The following PDCD6 variants were observed in gnomAD, a reference collection of about 807,000 sequenced individuals.
The protein encoded by PDCD6 is programmed cell death 6, also known as programmed cell death protein 6.
PDCD6 carries 12 observed loss-of-function variants against 28.3 expected under a neutral mutation model. The ratio of observed to expected loss-of-function variants is 0.42; its 90% confidence interval spans 0.27 to 0.69. The LOEUF (loss-of-function observed/expected upper bound fraction) is 0.69. PDCD6 is among the 30% of genes least tolerant of loss of function. PDCD6 has a pLI of 0.22. For missense variants in PDCD6, 226 were observed against 269.9 expected (o/e 0.84, Z 1.14); for synonymous variants, 92 against 108.0 (o/e 0.85, Z 0.92).
intron 2 of PDCD6, 83 bp downstream of exon 2, chr5:272,855 GT>G (rs1187249957): frequency 6.5e-7 from 1 of 1,530,528 alleles, no homozygotes; most frequent in Non-Finnish European, 8.8e-7. Flanking sequence ...TTCTGAAGTT[GT>G]TTTTCCAAGG....
chr5:277,147 A>T (rs933125709), intron 2 of PDCD6, among the ~76,000 whole-genome samples: 2 of 152,114 alleles, frequency 1.3e-5, no homozygotes, highest in Non-Finnish European at 2.9e-5. Context: ...TGTTTTTGAG[A>T]CAGAGGCTTG....
intron 4 of PDCD6, 102 bp downstream of exon 4, chr5:306,862 G>C (rs759135240): frequency 1.6e-6 from 2 of 1,230,230 alleles, no homozygotes; most frequent in East Asian, 4.7e-5. Flanking sequence ...GTCTAACCAG[G>C]CTACGTAAAG....
In PDCD6 at chr5:311,378, C is replaced by T; in HGVS notation, c.453C>T (p.Phe151=). ...GGGGGCAGATTGCCTTCGACGACTTCATCCAGGGCTGCATCGTCCTGCAGG... is the reference window on the plus strand; with the variant it reads ...GGGGGCAGATTGCCTTCGACGACTTTATCCAGGGCTGCATCGTCCTGCAGG... ...QGRGQIAFDD[F]IQGCIVLQRL... is the part of the protein sequence containing the mutation. Residue 151 remains phenylalanine (F), a synonymous_variant, in exon 5 of 6, where the codon TTC becomes TTT. Coordinates refer to ENST00000264933, the MANE Select transcript of PDCD6 (RefSeq NM_013232.4). The T allele has an allele frequency of 6.2e-7, 1 of 1,613,602 alleles. No individual in the cohort carries two copies. The highest frequency in any genetic ancestry group is 8.5e-7 in the Non-Finnish European group (1 of 1,179,526).
At chr5:294,235 A>G (rs1285079029) in intron 2 of PDCD6, among the ~76,000 whole-genome samples, 1 of 149,250 alleles carries the variant, frequency 6.7e-6, no homozygotes, top group Admixed American at 6.6e-5. Flanking sequence ...CTATAAAGCA[A>G]TATAAAAATC....
At chr5:310,496 T>A (rs2126779965) in intron 4 of PDCD6, 1 of 152,460 alleles carries the variant, frequency 6.6e-6, no homozygotes, top group Non-Finnish European at 1.5e-5. Context: ...TCAGTAAGGA[T>A]ATGCCACAGT....
rs1737821009 is a variant in PDCD6 at position 271,822 on chromosome 5, G to C, written c.101+1G>C. 7.0e-7 allele frequency: 1 copy of C among 1,424,200 alleles called. No individual in the cohort carries two copies. The highest frequency in any genetic ancestry group is 9.2e-7 in the Non-Finnish European group (1 of 1,090,132). The allele number at this position is 1,424,200 out of a possible 1,614,324, so 88.2% of individuals were successfully genotyped here. A position where few individuals can be genotyped will look rare whatever the true frequency, so the allele number is the denominator to read the frequency against. On this transcript the variant is annotated splice_donor_variant, in intron 1 of 5. Coordinates refer to ENST00000264933, the MANE Select transcript of PDCD6 (RefSeq NM_013232.4). LOFTEE classifies it high-confidence loss of function. ...GCTTCCTGTGGAACGTTTTCCAGAG[G>C]TGCGGCCTGGCACCGCCCGGGCACC...
chr5:283,261 G>A (rs1432137956), intron 2 of PDCD6, among the ~76,000 whole-genome samples: 50 of 151,704 alleles, frequency 3.3e-4, no homozygotes, highest in African/African-American at 1.2e-3. Flanking sequence ...TGCAGCTGAA[G>A]ACTTGGTGAG....
chr5:275,408 G>A (rs1738125261), intron 2 of PDCD6, among the ~76,000 whole-genome samples: 1 of 152,240 alleles, frequency 6.6e-6, no homozygotes, highest in South Asian at 2.1e-4. Flanking sequence ...TTCTCCTGGA[G>A]CTGCGCGTGT....
rs995293063 is a variant in PDCD6 at position 307,103 on chromosome 5, T to C, written c.367+343T>C. Reference sequence around the variant, plus strand: ...GTGGGGCAGGGCAGCTTATATTTCATGATAGATCAAAGCACGTTGAAAAGG... The same window carrying C: ...GTGGGGCAGGGCAGCTTATATTTCACGATAGATCAAAGCACGTTGAAAAGG... On this transcript the variant is annotated intron_variant, in intron 4 of 5. Coordinates refer to ENST00000264933, the MANE Select transcript of PDCD6 (RefSeq NM_013232.4). This position sits in a 1 kb window ranked among gnomAD's most constrained non-coding sequence, Gnocchi z 6.1. Among the ~76,000 whole-genome samples the C allele has an allele frequency of 2.6e-5, 4 of 152,196 alleles. No individual in the cohort carries two copies. The highest frequency in any genetic ancestry group is 7.2e-5 in the African/African-American group (3 of 41,454).
At chr5:297,193 C>T (rs967675774) in intron 2 of PDCD6, among the ~76,000 whole-genome samples, 1 of 152,214 alleles carries the variant, frequency 6.6e-6, no homozygotes, top group Non-Finnish European at 1.5e-5. Context: ...CACCAGGATT[C>T]GTACATGCCA....
chr5:279,797 AAAAAAAAAAC>A (rs1738448367), intron 2 of PDCD6, among the ~76,000 whole-genome samples: 2 of 148,726 alleles, frequency 1.3e-5, no homozygotes, highest in African/African-American at 5.2e-5. Context: ...AAAAAAAAAA[AAAAAAAAAAC>A]GAGGAGCCGG....
At chr5:273,692 T>TG (rs56171019) in intron 2 of PDCD6, among the ~76,000 whole-genome samples, 23 of 151,700 alleles carry the variant, frequency 1.5e-4, no homozygotes, top group Non-Finnish European at 2.6e-4. Flanking sequence ...GCGCTGTGGG[T>TG]GGGGGGGTGC....
intron 4 of PDCD6, 149 bp from the exon 5 acceptor site, chr5:311,144 A>C: frequency 1.5e-6 from 1 of 676,398 alleles, no homozygotes; most frequent in East Asian, 2.8e-5. Flanking sequence ...CTCAGTTCTG[A>C]GTGCCTTTGA....
At chr5:274,341 A>C (rs3961021) in intron 2 of PDCD6, among the ~76,000 whole-genome samples, 80 of 152,328 alleles carry the variant, frequency 5.3e-4, no homozygotes, top group Middle Eastern at 3.4e-3. Flanking sequence ...ACTTGCTCAA[A>C]TAGGAGTGGT....
At chr5:302,406 CCTCAGGTTCAGG>C (rs1740144017) in intron 2 of PDCD6, among the ~76,000 whole-genome samples, 3 of 101,884 alleles carry the variant, frequency 2.9e-5, no homozygotes, top group African/African-American at 2.0e-4. Flanking sequence ...TGTGTGTATG[CCTCAGGTTCAGG>C]TGCACCTGCC....
At chr5:299,821 T>C (rs1348632855) in intron 2 of PDCD6, among the ~76,000 whole-genome samples, 2 of 152,178 alleles carry the variant, frequency 1.3e-5, no homozygotes, top group Middle Eastern at 3.2e-3. Context: ...AGTGCTGGGA[T>C]TACAGGCGCC....
intron 5 of PDCD6, among the ~76,000 whole-genome samples, chr5:313,547 G>A (rs2126787805): frequency 6.6e-6 from 1 of 152,246 alleles, no homozygotes; most frequent in East Asian, 1.9e-4. Flanking sequence ...CTGCAGCCTT[G>A]ACCCTGAGGC....
At chr5:300,937 C>G (rs1472195056) in intron 2 of PDCD6, among the ~76,000 whole-genome samples, 2 of 152,224 alleles carry the variant, frequency 1.3e-5, no homozygotes, top group Non-Finnish European at 2.9e-5. Context: ...TGCACCATCA[C>G]GGCACACTCC....
At chr5:302,001 C>A (rs1561046482) in intron 2 of PDCD6, among the ~76,000 whole-genome samples, 1 of 141,120 alleles carries the variant, frequency 7.1e-6, no homozygotes, top group Non-Finnish European at 1.5e-5. Context: ...GGTTCAGGTG[C>A]ACCTGCCTTT....
Sources: gnomAD v4.1 joint callset for allele counts (sites outside exome capture counted in the v4.1 genomes callset) on GRCh38, gnomAD v4.1.1 for gene constraint, Gnocchi (gnomAD v3.1) non-coding constraint, MANE v1.5 for transcripts, NCBI Gene and HGNC (gene_info 2026-07-23, HGNC 2026-07-21) for gene names.